The following NEGR1 variants were observed in gnomAD, a reference collection of about 807,000 sequenced individuals.
NEGR1 encodes IgLON family member 4.
In NEGR1, 10 loss-of-function variants were observed where a neutral mutation model predicts 40.9. That is an observed-to-expected ratio of 0.24 (90% confidence interval 0.15 to 0.42). The LOEUF (loss-of-function observed/expected upper bound fraction) is 0.42. Ranked by LOEUF, NEGR1 falls within the 10% of genes least tolerant of loss-of-function variation. The probability of loss-of-function intolerance (pLI) is 1.00; values close to 1 mark genes in which losing one functional copy is unlikely to be tolerated. For missense variants in NEGR1, 352 were observed against 438.9 expected (o/e 0.80, Z 1.77); for synonymous variants, 185 against 166.8 (o/e 1.11, Z -0.84).
intron 6 of NEGR1, among the ~76,000 whole-genome samples, chr1:71,417,701 G>A (rs1380575994): frequency 6.6e-6 from 1 of 152,132 alleles, no homozygotes; most frequent in African/African-American, 2.4e-5. Context: ...GAACAAAGGG[G>A]ATAAAATTAT....
rs537453108 is a variant in NEGR1, at chr1:71,723,457, C to T, written c.536-25318G>A. ...TGGAAAAGGGCAAGGGGCTAGAGAA[C>T]GAGCTAATCATGAATGGTTAATGAT... On this transcript the variant is annotated intron_variant, in intron 3 of 6. Coordinates refer to ENST00000357731, the MANE Select transcript of NEGR1 (RefSeq NM_173808.3). 1.7e-4 allele frequency among the ~76,000 whole-genome samples: 26 copies of T among 152,120 alleles called. 1 individual carries two copies. Among genetic ancestry groups the T allele is most frequent in the African/African-American group, 4.6e-4 (19 of 41,522 alleles).
intron 1 of NEGR1, among the ~76,000 whole-genome samples, chr1:72,053,660 C>T (rs982585495): frequency 6.6e-6 from 1 of 150,950 alleles, no homozygotes; most frequent in South Asian, 2.1e-4. Flanking sequence ...TATCCTCAGC[C>T]AAATTATATC....
At chr1:71,974,496 C>G (rs1358949620) in intron 1 of NEGR1, among the ~76,000 whole-genome samples, 2 of 151,974 alleles carry the variant, frequency 1.3e-5, no homozygotes, top group South Asian at 4.2e-4. Context: ...TAAAAATATT[C>G]TACAAATTGA....
In NEGR1 at chr1:72,148,277, C is replaced by CATAGAA. The variant is rs1570041708; in HGVS notation, c.176+134041_176+134042insTTCTAT. On this transcript the variant is annotated intron_variant, in intron 1 of 6. Coordinates refer to ENST00000357731, the MANE Select transcript of NEGR1 (RefSeq NM_173808.3). ...ACCTCCAATTCTTGACCTGTGCACCCGCAGGCTCAACACCACATAGAAGCT... is the reference window on the plus strand; with the variant it reads ...ACCTCCAATTCTTGACCTGTGCACCCATAGAAGCAGGCTCAACACCACATAGAAGCT... Among the ~76,000 whole-genome samples, 5 of 152,140 alleles carry CATAGAA rather than the reference C, an allele frequency of 3.3e-5. No individual in the cohort carries two copies. The East Asian group carries it at 9.7e-4, about 29-fold the overall frequency.
At chr1:71,911,878 A>C (rs1312217240) in intron 2 of NEGR1, among the ~76,000 whole-genome samples, 1 of 152,192 alleles carries the variant, frequency 6.6e-6, no homozygotes, top group African/African-American at 2.4e-5. Flanking sequence ...ATAATTTGCT[A>C]ACCTACAAGA....
At chr1:71,959,066 T>G (rs543473589) in intron 1 of NEGR1, among the ~76,000 whole-genome samples, 3 of 152,308 alleles carry the variant, frequency 2.0e-5, no homozygotes, top group African/African-American at 7.2e-5. Flanking sequence ...TCTCACAGTA[T>G]TTTTTGTTTA....
chr1:71,991,011 C>T (rs1156799582), intron 1 of NEGR1, among the ~76,000 whole-genome samples: 1 of 151,602 alleles, frequency 6.6e-6, no homozygotes, highest in Non-Finnish European at 1.5e-5. Flanking sequence ...CTGCTTGTTT[C>T]CTTACATTCC....
At chr1:71,971,507 G>A (rs937128124) in intron 1 of NEGR1, among the ~76,000 whole-genome samples, 9 of 152,154 alleles carry the variant, frequency 5.9e-5, no homozygotes, top group African/African-American at 1.9e-4. Context: ...GAAATATGTA[G>A]AGCAGTGCTT....
At chr1:71,417,122 C>T (rs1646361130) in intron 6 of NEGR1, among the ~76,000 whole-genome samples, 1 of 152,184 alleles carries the variant, frequency 6.6e-6, no homozygotes, top group Admixed American at 6.5e-5. Context: ...CTGCCAAGTC[C>T]TCTTTTCTCC....
At chr1:71,635,773 G>C (rs934054122) in intron 4 of NEGR1, among the ~76,000 whole-genome samples, 9 of 151,964 alleles carry the variant, frequency 5.9e-5, no homozygotes, top group Non-Finnish European at 1.2e-4. Context: ...AGCTAGCCTG[G>C]GGTTATGAAT....
intron 1 of NEGR1, among the ~76,000 whole-genome samples, chr1:72,063,849 G>T (rs1053615147): frequency 6.6e-6 from 1 of 150,508 alleles, no homozygotes; most frequent in Non-Finnish European, 1.5e-5. Flanking sequence ...CAATGGCTAT[G>T]TGCTTCCTCT....
intron 1 of NEGR1, among the ~76,000 whole-genome samples, chr1:72,055,635 A>G (rs1348443324): frequency 2.0e-5 from 3 of 150,940 alleles, no homozygotes. Context: ...GTGCTATCCT[A>G]TTCACAAATA....
At chr1:71,955,820 G>A (rs1045627281) in intron 1 of NEGR1, among the ~76,000 whole-genome samples, 7 of 152,200 alleles carry the variant, frequency 4.6e-5, no homozygotes, top group East Asian at 3.9e-4. Flanking sequence ...CCGATAGCAC[G>A]AAATTAAGTT....
intron 1 of NEGR1, among the ~76,000 whole-genome samples, chr1:72,243,129 A>T (rs1034899479): frequency 6.6e-6 from 1 of 151,750 alleles, no homozygotes; most frequent in Admixed American, 6.6e-5. Flanking sequence ...TATTTAGAGT[A>T]AATATTTAAT....
intron 4 of NEGR1, among the ~76,000 whole-genome samples, chr1:71,630,672 T>G (rs898916106): frequency 6.6e-6 from 1 of 151,830 alleles, no homozygotes; most frequent in Non-Finnish European, 1.5e-5. Context: ...GTGTGTCTTG[T>G]TGGCTCTGAT....
At chr1:71,863,029 A>T (rs940808842) in intron 2 of NEGR1, among the ~76,000 whole-genome samples, 2 of 152,200 alleles carry the variant, frequency 1.3e-5, no homozygotes, top group East Asian at 3.9e-4. Context: ...CCATTGTAGA[A>T]GAGAGTATGG....
At chr1:71,584,939 G>A (rs931239026) in intron 6 of NEGR1, among the ~76,000 whole-genome samples, 13 of 152,228 alleles carry the variant, frequency 8.5e-5, no homozygotes, top group Admixed American at 5.9e-4. Context: ...AAGCAAGAAT[G>A]TCTATTCTAG....
At chr1:71,682,013 G>C (rs12726328) in intron 4 of NEGR1, among the ~76,000 whole-genome samples, 1 of 151,900 alleles carries the variant, frequency 6.6e-6, no homozygotes. Context: ...TTTTAGTAGA[G>C]ATGGGGTTTT....
At chr1:71,604,332 A>C (rs999417113) in intron 5 of NEGR1, among the ~76,000 whole-genome samples, 4 of 152,172 alleles carry the variant, frequency 2.6e-5, no homozygotes, top group African/African-American at 4.8e-5. Context: ...GACATAAATA[A>C]ATTGCATGAA....
Sources: gnomAD v4.1 joint callset for allele counts (sites outside exome capture counted in the v4.1 genomes callset) on GRCh38, gnomAD v4.1.1 for gene constraint, MANE v1.5 for transcripts, NCBI Gene and HGNC (gene_info 2026-07-23, HGNC 2026-07-21) for gene names.